Variants in KCNMB2 observed in about 807,000 individuals in gnomAD.
KCNMB2 encodes the protein potassium calcium-activated channel subfamily M regulatory beta subunit 2.
KCNMB2 carries 9 observed loss-of-function variants against 24.5 expected under a neutral mutation model. The ratio of observed to expected loss-of-function variants is 0.37; its 90% confidence interval spans 0.22 to 0.64. The LOEUF (loss-of-function observed/expected upper bound fraction) is 0.64, where lower values mean the gene tolerates loss of function less well. Ranked by LOEUF, KCNMB2 falls within the 30% of genes least tolerant of loss-of-function variation. KCNMB2 has a pLI of 0.63. For synonymous variants in KCNMB2, 109 were observed against 104.4 expected (o/e 1.04, Z -0.27); for missense variants, 226 against 284.3 (o/e 0.79, Z 1.47).
chr3:178,573,111 A>C (rs2108479786), intron 1 of KCNMB2, among the ~76,000 whole-genome samples: 1 of 152,012 alleles, frequency 6.6e-6, no homozygotes, highest in Non-Finnish European at 1.5e-5. Flanking sequence ...CCGGGTTCCA[A>C]GATTCTCTTG....
At chr3:178,803,062 C>T (rs749726209) in intron 1 of KCNMB2, among the ~76,000 whole-genome samples, 3 of 152,116 alleles carry the variant, frequency 2.0e-5, no homozygotes, top group Non-Finnish European at 4.4e-5. Flanking sequence ...CTACTTTAAA[C>T]ACTTTTACAT....
At chr3:178,836,211 A>G (rs972595598) in intron 4 of KCNMB2, among the ~76,000 whole-genome samples, 4 of 152,102 alleles carry the variant, frequency 2.6e-5, no homozygotes, top group African/African-American at 9.7e-5. Context: ...CGCTTCACAC[A>G]AGCCTAGTGA....
chr3:178,760,394 A>T (rs1010370657), intron 1 of KCNMB2, among the ~76,000 whole-genome samples: 2 of 136,400 alleles, frequency 1.5e-5, no homozygotes, highest in African/African-American at 5.6e-5. Flanking sequence ...ATATATATCC[A>T]TATCCAAGAT....
chr3:178,577,358 T>A (rs948436824), intron 1 of KCNMB2, among the ~76,000 whole-genome samples: 1 of 151,938 alleles, frequency 6.6e-6, no homozygotes, highest in African/African-American at 2.4e-5. Flanking sequence ...CAAAACCCCA[T>A]CCGAAGGTCA....
At chr3:178,556,663 C>G (rs1439866776) in intron 1 of KCNMB2, among the ~76,000 whole-genome samples, 2 of 152,144 alleles carry the variant, frequency 1.3e-5, no homozygotes, top group Non-Finnish European at 1.5e-5. Context: ...CCTCGGCCTC[C>G]CAAAGTGCTG....
intron 1 of KCNMB2, among the ~76,000 whole-genome samples, chr3:178,692,824 A>G (rs974352104): frequency 6.6e-6 from 1 of 152,218 alleles, no homozygotes; most frequent in African/African-American, 2.4e-5. Context: ...CATTGAATTT[A>G]TAAATTGCTT....
chr3:178,652,215 C>G (rs1241745972), intron 1 of KCNMB2, among the ~76,000 whole-genome samples: 1 of 152,076 alleles, frequency 6.6e-6, no homozygotes, highest in Non-Finnish European at 1.5e-5. Context: ...GGAACTTAAA[C>G]GAATTTACAT....
chr3:178,751,846 T>A (rs940666876), intron 1 of KCNMB2, among the ~76,000 whole-genome samples: 1 of 152,242 alleles, frequency 6.6e-6, no homozygotes, highest in Admixed American at 6.5e-5. Context: ...ATGGCTACCT[T>A]TTTTTGAGAT....
chr3:178,736,261 G>A (rs1248541445), intron 1 of KCNMB2, among the ~76,000 whole-genome samples: 1 of 152,096 alleles, frequency 6.6e-6, no homozygotes, highest in Non-Finnish European at 1.5e-5. Flanking sequence ...TGCTTATGAG[G>A]ACTCAATAAC....
chr3:178,691,627 T>C (rs567272404), intron 1 of KCNMB2, among the ~76,000 whole-genome samples: 2 of 152,372 alleles, frequency 1.3e-5, no homozygotes, highest in African/African-American at 4.8e-5. Context: ...ATAGTGTGTA[T>C]GTACCACATG....
chr3:178,828,251 T>G lies in KCNMB2; in HGVS notation c.301T>G (p.Cys101Gly). Residue 101 changes from cysteine (C) to glycine (G), a missense_variant, in exon 4 of 5, where the codon TGT (cysteine) becomes GGT (glycine). Cys to Gly is a radical substitution (Grantham distance 159, BLOSUM62 -3). Coordinates refer to ENST00000452583, the MANE Select transcript of KCNMB2 (RefSeq NM_181361.3). ...ITETFNCSFSCGPDCWKLSQY... is the reference protein window; with the variant it reads ...ITETFNCSFSGGPDCWKLSQY... ...GGAAACATTTAATTGCTCCTTCAGC[T>G]GTGGTCCAGACTGCTGGAAACTTTC... The G allele has an allele frequency of 6.2e-7, 1 of 1,613,920 alleles. No individual in the cohort carries two copies. Among genetic ancestry groups the G allele is most frequent in the South Asian group, 1.1e-5 (1 of 91,076 alleles).
At chr3:178,626,741 G>A (rs549029834) in intron 1 of KCNMB2, among the ~76,000 whole-genome samples, 1 of 152,096 alleles carries the variant, frequency 6.6e-6, no homozygotes, top group South Asian at 2.1e-4. Flanking sequence ...TGGAGATTAT[G>A]AGGATTAGAA....
chr3:178,745,085 T>C (rs919218406), intron 1 of KCNMB2, among the ~76,000 whole-genome samples: 3 of 152,254 alleles, frequency 2.0e-5, no homozygotes, highest in Non-Finnish European at 4.4e-5. Flanking sequence ...AAAGATTCAC[T>C]GACATAAATC....
intron 1 of KCNMB2, among the ~76,000 whole-genome samples, chr3:178,757,896 C>T (rs528902588): frequency 3.4e-5 from 4 of 118,300 alleles, no homozygotes; most frequent in South Asian, 2.7e-4. Flanking sequence ...TATATATATC[C>T]AAGAGGATAC....
At chr3:178,691,293 GTTTTT>G (rs35823042) in intron 1 of KCNMB2, among the ~76,000 whole-genome samples, 1 of 139,858 alleles carries the variant, frequency 7.2e-6, no homozygotes, top group East Asian at 2.1e-4. Context: ...ACATGTGCAG[GTTTTT>G]TTTTTTTTTA....
intron 1 of KCNMB2, among the ~76,000 whole-genome samples, chr3:178,715,031 G>T (rs74688819): frequency 1.4e-4 from 21 of 152,246 alleles, no homozygotes; most frequent in Non-Finnish European, 2.6e-4. Flanking sequence ...TGTTTATTTT[G>T]GAGGAAAATT....
chr3:178,625,533 A>T (rs1025587136), intron 1 of KCNMB2, among the ~76,000 whole-genome samples: 2 of 152,218 alleles, frequency 1.3e-5, no homozygotes, highest in African/African-American at 4.8e-5. Flanking sequence ...AAGGTGCTTG[A>T]CTATTATCTA....
intron 1 of KCNMB2, among the ~76,000 whole-genome samples, chr3:178,599,008 T>C (rs895974195): frequency 3.9e-5 from 6 of 152,078 alleles, no homozygotes; most frequent in African/African-American, 1.4e-4. Context: ...GCTACAGAGA[T>C]GGAGTTATGC....
At chr3:178,700,766 T>C (rs531635308) in intron 1 of KCNMB2, among the ~76,000 whole-genome samples, 29 of 131,804 alleles carry the variant, frequency 2.2e-4, no homozygotes, top group Non-Finnish European at 3.3e-4. Context: ...TGATGAGTAG[T>C]GTAAAAAAAA....
Sources: allele counts gnomAD v4.1 joint callset (sites outside exome capture counted in the v4.1 genomes callset), GRCh38; gene constraint gnomAD v4.1.1; transcripts MANE v1.5; gene names NCBI Gene and HGNC (gene_info 2026-07-23, HGNC 2026-07-21).